The following RABGAP1L variants were observed in gnomAD, a reference collection of about 807,000 sequenced individuals.
RABGAP1L encodes the protein rab GTPase-activating protein 1-like.
RABGAP1L carries 63 observed loss-of-function variants against 137.7 expected under a neutral mutation model. That is an observed-to-expected ratio of 0.46 (90% CI 0.37 to 0.56). The LOEUF is 0.56. RABGAP1L is among the 20% of genes least tolerant of loss of function. The pLI is 0.00. For synonymous variants in RABGAP1L, 431 were observed against 433.7 expected (o/e 0.99, Z 0.08); for missense variants, 1,095 against 1,244.0 (o/e 0.88, Z 1.80).
intron 19 of RABGAP1L, among the ~76,000 whole-genome samples, chr1:174,895,420 T>TTC (rs1656968102): frequency 6.7e-6 from 1 of 150,044 alleles, no homozygotes; most frequent in African/African-American, 2.4e-5. Context: ...TCTAATTCTT[T>TTC]TTTTTTTTTT....
intron 7 of RABGAP1L, among the ~76,000 whole-genome samples, chr1:174,271,340 C>T (rs1213434115): frequency 4.6e-5 from 7 of 152,052 alleles, no homozygotes; most frequent in African/African-American, 1.7e-4. Flanking sequence ...AGCCATGATA[C>T]TAGGAGAGTA....
At chr1:174,820,703 T>C (rs944175270) in intron 19 of RABGAP1L, among the ~76,000 whole-genome samples, 24 of 152,184 alleles carry the variant, frequency 1.6e-4, no homozygotes, top group Non-Finnish European at 3.2e-4. Context: ...AAAATTCATA[T>C]ATTTTAAAGA....
chr1:174,596,329 GGGAGCTGTAGACC>G (rs1198572075), intron 13 of RABGAP1L, among the ~76,000 whole-genome samples: 1 of 151,900 alleles, frequency 6.6e-6, no homozygotes, highest in Non-Finnish European at 1.5e-5. Flanking sequence ...GGCTCACGCT[GGGAGCTGTAGACC>G]GGAGCTGTTC....
chr1:174,784,420 A>T (rs1175604424), intron 18 of RABGAP1L, among the ~76,000 whole-genome samples: 1 of 152,056 alleles, frequency 6.6e-6, no homozygotes, highest in Non-Finnish European at 1.5e-5. Context: ...TATTTATCTT[A>T]TCTCAGATTT....
intron 10 of RABGAP1L, among the ~76,000 whole-genome samples, chr1:174,283,509 G>T (rs138868942): frequency 2.8e-4 from 41 of 148,342 alleles, no homozygotes; most frequent in Admixed American, 1.3e-3. Flanking sequence ...TTTTTTGTTT[G>T]TTTGTTTGTT....
At chr1:174,451,249 A>G (rs1332580571) in intron 13 of RABGAP1L, among the ~76,000 whole-genome samples, 1 of 152,218 alleles carries the variant, frequency 6.6e-6, no homozygotes, top group African/African-American at 2.4e-5. Flanking sequence ...CATTTCAGAT[A>G]TCACATATAA....
chr1:174,341,683 C>T (rs558855834), intron 11 of RABGAP1L, among the ~76,000 whole-genome samples: 1 of 152,154 alleles, frequency 6.6e-6, no homozygotes, highest in Admixed American at 6.5e-5. Flanking sequence ...GGGTGAAAAT[C>T]TTTGATTTCT....
chr1:174,569,442 A>G (rs1422412651), intron 13 of RABGAP1L, among the ~76,000 whole-genome samples: 2 of 152,136 alleles, frequency 1.3e-5, no homozygotes, highest in East Asian at 3.8e-4. Context: ...CTGGATCCCT[A>G]TGGAACTTGG....
At chr1:174,957,432 C>CA in intron 19 of RABGAP1L, 25 bp from the exon 20 acceptor site, 1 of 1,570,814 alleles carries the variant, frequency 6.4e-7, no homozygotes, top group Non-Finnish European at 8.8e-7. Context: ...CCTTGTCTAA[C>CA]ATGGTTTTCC....
intron 12 of RABGAP1L, among the ~76,000 whole-genome samples, chr1:174,381,346 T>C (rs987950333): frequency 4.1e-5 from 6 of 144,890 alleles, no homozygotes; most frequent in African/African-American, 1.6e-4. Flanking sequence ...GGTATCCTTG[T>C]TGACTTTCTG....
At chr1:174,653,094 C>A (rs529991560) in intron 14 of RABGAP1L, among the ~76,000 whole-genome samples, 6 of 152,298 alleles carry the variant, frequency 3.9e-5, no homozygotes, top group Non-Finnish European at 8.8e-5. Flanking sequence ...TTTGTTTACA[C>A]TGTGAGGGGA....
chr1:174,777,871 A>C (rs1030919207), intron 18 of RABGAP1L, among the ~76,000 whole-genome samples: 1 of 152,212 alleles, frequency 6.6e-6, no homozygotes, highest in African/African-American at 2.4e-5. Context: ...AAATTTAAAA[A>C]AAGGCAGAAA....
intron 13 of RABGAP1L, among the ~76,000 whole-genome samples, chr1:174,544,444 C>T (rs1665805760): frequency 6.6e-6 from 1 of 152,174 alleles, no homozygotes; most frequent in African/African-American, 2.4e-5. Context: ...TTTTCAGCTC[C>T]ATCAGGTCAT....
At chr1:174,856,478 A>G (rs1324114635) in intron 19 of RABGAP1L, among the ~76,000 whole-genome samples, 1 of 152,114 alleles carries the variant, frequency 6.6e-6, no homozygotes, top group African/African-American at 2.4e-5. Flanking sequence ...TTCTAGCCCC[A>G]TACAAATATT....
chr1:174,338,085 A>G (rs1441746243), intron 11 of RABGAP1L, among the ~76,000 whole-genome samples: 2 of 152,116 alleles, frequency 1.3e-5, no homozygotes, highest in African/African-American at 4.8e-5. Flanking sequence ...CTTTTTCTCT[A>G]CAGATAACCA....
intron 11 of RABGAP1L, among the ~76,000 whole-genome samples, chr1:174,349,127 G>C (rs1308138693): frequency 7.7e-6 from 1 of 130,096 alleles, no homozygotes; most frequent in African/African-American, 3.0e-5. Context: ...CCTCCCGGAC[G>C]GGGCGGCTGG....
intron 18 of RABGAP1L, among the ~76,000 whole-genome samples, chr1:174,769,700 G>A (rs6696465): frequency 0.63 from 95,034 of 152,036 alleles, 32,989 homozygotes; most frequent in East Asian, 0.93. Flanking sequence ...ATGAGATCAA[G>A]AAGTTAGCCG....
Position 174,992,085 on chromosome 1 carries a change from C to T in RABGAP1L, c.*2084C>T, listed in dbSNP as rs1293088938. 2.0e-5 allele frequency: 3 copies of T among 152,082 alleles called. No homozygotes were observed. The highest frequency in any genetic ancestry group is 2.9e-5 in the Non-Finnish European group (2 of 68,010). The allele number at this position is 152,082 out of a possible 1,614,324, so 9.4% of individuals were successfully genotyped here. On this transcript the variant is annotated 3_prime_UTR_variant, in exon 26 of 26. Coordinates refer to ENST00000681986, the MANE Select transcript of RABGAP1L (RefSeq NM_001366446.1). ...AGAAACATAATGGCTCTAGGTCAAT[C>T]CCTTATCTAAAGACCTTGTTCAACT...
chr1:174,310,388 G>A (rs977496810), intron 11 of RABGAP1L, among the ~76,000 whole-genome samples: 20 of 152,252 alleles, frequency 1.3e-4, no homozygotes, highest in African/African-American at 4.8e-4. Context: ...CTGTTCTAGA[G>A]AATGTTTCAT....
Sources: allele counts gnomAD v4.1 joint callset (sites outside exome capture counted in the v4.1 genomes callset), GRCh38; gene constraint gnomAD v4.1.1; transcripts MANE v1.5; gene names NCBI Gene and HGNC (gene_info 2026-07-23, HGNC 2026-07-21).